The following ZNF652 variants were observed in gnomAD, a reference collection of about 807,000 sequenced individuals.
The protein encoded by ZNF652 is zinc finger protein 652.
ZNF652 carries 16 observed loss-of-function variants against 45.2 expected under a neutral mutation model. The ratio of observed to expected loss-of-function variants is 0.35; its 90% CI spans 0.24 to 0.54. ZNF652 has a LOEUF of 0.54. Ranked by LOEUF, ZNF652 falls within the 20% of genes least tolerant of loss-of-function variation. The probability of loss-of-function intolerance (pLI) is 0.91; values close to 1 mark genes in which losing one functional copy is unlikely to be tolerated. For missense variants in ZNF652, 614 were observed against 765.6 expected (o/e 0.80, Z 2.34); for synonymous variants, 250 against 260.6 (o/e 0.96, Z 0.39).
At position 49,298,558 on chromosome 17, in the gene ZNF652, G is replaced by A. The variant is rs776365624; in HGVS notation, c.1676C>T (p.Pro559Leu). The A allele has an allele frequency of 4.3e-6, 7 of 1,611,406 alleles. No homozygotes were observed. In the Admixed American group the frequency reaches 6.7e-5, roughly 15 times the overall value. Residue 559 changes from proline (P) to leucine (L), a missense_variant, in exon 6 of 6, where the codon CCA becomes CTA. Pro to Leu is a moderately conservative substitution (Grantham distance 98). Transcript: ENST00000430262. The part of the protein sequence containing the change: ...HLHIHPHPHH[P>L]HHLPIPPVPH... ...GACTGGAGGGATGGGAAGGTGGTGTGGGTGGTGAGGGTGTGGGTGGATGTG... is the reference window on the plus strand; with the variant it reads ...GACTGGAGGGATGGGAAGGTGGTGTAGGTGGTGAGGGTGTGGGTGGATGTG...
In ZNF652 at chr17:49,289,946, A is replaced by T. The variant is rs1169497521; in HGVS notation, c.*8467T>A. On this transcript the variant is annotated 3_prime_UTR_variant, in exon 6 of 6. Transcript: ENST00000430262. ...CAACAAGCTTTGTAAACCTAACGCTAAACAAGTCATGGCAAGCAAACTGGA... is the reference window on the plus strand; with the variant it reads ...CAACAAGCTTTGTAAACCTAACGCTTAACAAGTCATGGCAAGCAAACTGGA... 1 of 152,280 alleles carries T rather than the reference A, an allele frequency of 6.6e-6. No homozygotes were observed. The highest frequency in any genetic ancestry group is 1.5e-5 in the Non-Finnish European group (1 of 68,052). The allele number at this position is 152,280 out of a possible 1,614,324, so 9.4% of individuals were successfully genotyped here. A position where few individuals can be genotyped will look rare whatever the true frequency, so the allele number is the denominator to read the frequency against.
Position 49,298,777 on chromosome 17 carries a change from G to A in ZNF652, c.1457C>T (p.Ala486Val). 2 of 1,614,032 alleles carry A rather than the reference G, an allele frequency of 1.2e-6. No individual in the cohort carries two copies. The highest frequency in any genetic ancestry group is 1.7e-6 in the Non-Finnish European group (2 of 1,180,022). ...QRFRFSNMLK[A>V]HKEKCFRVTS... ...CACCCGAAAGCACTTCTCCTTGTGGGCCTTAAGCATGTTCGAGAAGCGGAA... is the reference window on the plus strand; with the variant it reads ...CACCCGAAAGCACTTCTCCTTGTGGACCTTAAGCATGTTCGAGAAGCGGAA... The change falls in exon 6 of 6, where the codon GCC becomes GTC. Residue 486 changes from alanine (A) to valine (V), a missense_variant. Physicochemically the swap from Ala to Val is moderately conservative, Grantham distance 64. Around this residue, in one of 5 missense-constraint regions of ZNF652, gnomAD observed 81 missense variants for 167.0 expected, o/e 0.48. Coordinates refer to ENST00000430262, the MANE Select transcript of ZNF652 (RefSeq NM_001145365.3).
intron 1 of ZNF652, among the ~76,000 whole-genome samples, chr17:49,348,479 A>G (rs1032108409): frequency 8.0e-5 from 9 of 111,910 alleles, no homozygotes; most frequent in African/African-American, 3.6e-4. Flanking sequence ...CCTTGCCTCA[A>G]AAAAGAAAAG....
chr17:49,330,778 C>T (rs1161499050), intron 1 of ZNF652, among the ~76,000 whole-genome samples: 1 of 151,824 alleles, frequency 6.6e-6, no homozygotes, highest in East Asian at 1.9e-4. Flanking sequence ...AGGCCGGGCA[C>T]AGTGGCTGAC....
chr17:49,332,894 G>C (rs565489838), intron 1 of ZNF652, among the ~76,000 whole-genome samples: 1 of 151,910 alleles, frequency 6.6e-6, no homozygotes, highest in Admixed American at 6.6e-5. Flanking sequence ...GGTCAGAAAT[G>C]AATTAACAAA....
chr17:49,314,987 G>A (rs1289129404), intron 2 of ZNF652, among the ~76,000 whole-genome samples: 1 of 151,808 alleles, frequency 6.6e-6, no homozygotes, highest in Middle Eastern at 3.2e-3. Context: ...CTCCCAAAGT[G>A]CTGAGATTAC....
intron 5 of ZNF652, among the ~76,000 whole-genome samples, chr17:49,304,979 T>C (rs1199955705): frequency 1.3e-5 from 2 of 152,074 alleles, no homozygotes; most frequent in Non-Finnish European, 2.9e-5. Context: ...AAACCCATTT[T>C]TCAAACTGCT....
intron 5 of ZNF652, among the ~76,000 whole-genome samples, chr17:49,304,066 T>TA (rs1285959717): frequency 4.3e-5 from 6 of 138,374 alleles, no homozygotes; most frequent in African/African-American, 1.1e-4. Flanking sequence ...TTTTTTTTTT[T>TA]TTTTTTTGTA....
Position 49,303,247 on chromosome 17 carries a change from C to CTTTTTTTTTT in ZNF652, c.1310-4333_1310-4324dup, listed in dbSNP as rs779042339. 9.9e-5 allele frequency among the ~76,000 whole-genome samples: 12 copies of CTTTTTTTTTT among 121,776 alleles called. 1 individual carries two copies. Among genetic ancestry groups the CTTTTTTTTTT allele is most frequent in the Admixed American group, 2.9e-4 (3 of 10,244 alleles). The allele number at this position is 121,776 out of a possible 152,430, so 79.9% of individuals were successfully genotyped here. A position where few individuals can be genotyped will look rare whatever the true frequency, so the allele number is the denominator to read the frequency against. On this transcript the variant is annotated intron_variant, in intron 5 of 5. Coordinates refer to ENST00000430262, the MANE Select transcript of ZNF652 (RefSeq NM_001145365.3). ...GTGATGTTTTATTCTTTACGCTTAT[C>CTTTTTTTTTT]TTTTTTTTTTTGAGACAGGGTCTCA... is the stretch of plus-strand genomic sequence containing the variant.
Position 49,295,289 on chromosome 17 carries a change from C to T in ZNF652, c.*3124G>A, listed in dbSNP as rs1278670130. On this transcript the variant is annotated 3_prime_UTR_variant, in exon 6 of 6. Coordinates refer to ENST00000430262, the MANE Select transcript of ZNF652 (RefSeq NM_001145365.3). ...AGTCATTATATTCTGAGTAGTTTTC[C>T]TGAAGACCACAAGTCTCAAGTCAAG... The T allele has an allele frequency of 6.6e-6, 1 of 151,658 alleles. No individual in the cohort carries two copies. Among genetic ancestry groups the T allele is most frequent in the Non-Finnish European group, 1.5e-5 (1 of 67,950 alleles). The allele number at this position is 151,658 out of a possible 1,614,324, so 9.4% of individuals were successfully genotyped here. A position where few individuals can be genotyped will look rare whatever the true frequency, so the allele number is the denominator to read the frequency against.
intron 1 of ZNF652, among the ~76,000 whole-genome samples, chr17:49,340,112 A>G (rs939323890): frequency 2.0e-5 from 3 of 152,124 alleles, no homozygotes; most frequent in Non-Finnish European, 4.4e-5. Context: ...ACAAAACTCT[A>G]TTACAGAAAT....
Position 49,346,625 on chromosome 17 carries a change from C to T in ZNF652, c.-259+15284G>A, listed in dbSNP as rs552809356. On this transcript the variant is annotated intron_variant, in intron 1 of 5. Transcript: ENST00000430262. ...TGCATATTAAGATTTTAATCTTTAG[C>T]TTCAAACTTATTTTAGACATTCTTC... Among the ~76,000 whole-genome samples the T allele has an allele frequency of 4.2e-4, 64 of 152,258 alleles. 1 individual carries two copies. The South Asian group carries it at 0.013, about 30-fold the overall frequency.
intron 1 of ZNF652, among the ~76,000 whole-genome samples, chr17:49,341,204 C>T (rs9901982): frequency 0.025 from 3,743 of 151,518 alleles, 156 homozygotes; most frequent in African/African-American, 0.086. Flanking sequence ...GGTGACAGAG[C>T]GAGACTGTCT....
chr17:49,330,816 T>C (rs900513169), intron 1 of ZNF652, among the ~76,000 whole-genome samples: 1 of 151,582 alleles, frequency 6.6e-6, no homozygotes, highest in Non-Finnish European at 1.5e-5. Context: ...TTTGGGAGGC[T>C]GAGGCAGGTG....
chr17:49,288,490 A>G (rs2143646528), downstream of ZNF652: 1 of 152,334 alleles, frequency 6.6e-6, no homozygotes, highest in South Asian at 2.1e-4. Flanking sequence ...AAGGCTTATT[A>G]TGACAGAAGC....
chr17:49,303,858 C>T (rs1352268190), intron 5 of ZNF652, among the ~76,000 whole-genome samples: 1 of 150,278 alleles, frequency 6.7e-6, no homozygotes, highest in African/African-American at 2.4e-5. Flanking sequence ...CTTCCTGGAC[C>T]TCTCTAATCA....
intron 1 of ZNF652, among the ~76,000 whole-genome samples, chr17:49,353,982 G>A (rs1221970308): frequency 6.6e-6 from 1 of 152,164 alleles, no homozygotes; most frequent in African/African-American, 2.4e-5. Flanking sequence ...AAGAGGTGAT[G>A]AAAGGATTGA....
rs562846972 is a variant in ZNF652 at position 49,354,610 on chromosome 17, C to CA, written c.-259+7298dup. Among the ~76,000 whole-genome samples, 584 of 111,792 alleles carry CA rather than the reference C, an allele frequency of 5.2e-3. 2 individuals carry two copies. Among genetic ancestry groups the CA allele is most frequent in the East Asian group, 0.013 (54 of 4,018 alleles). The allele number at this position is 111,792 out of a possible 152,430, so 73.3% of individuals were successfully genotyped here. ...TGGGCATGGAAGCAAGACTCCGCCT[C>CA]AAAAAAAAAAAACAAAAAAACAAAA... On this transcript the variant is annotated intron_variant, in intron 1 of 5. Transcript: ENST00000430262.
chr17:49,349,051 T>G (rs902835333), intron 1 of ZNF652, among the ~76,000 whole-genome samples: 6 of 152,228 alleles, frequency 3.9e-5, no homozygotes, highest in African/African-American at 1.4e-4. Flanking sequence ...GGAGAAAAAG[T>G]GATTTTTTAA....
Sources: allele counts gnomAD v4.1 joint callset (sites outside exome capture counted in the v4.1 genomes callset), GRCh38; gene constraint gnomAD v4.1.1; regional missense constraint gnomAD v4.1.1; transcripts MANE v1.5; gene names NCBI Gene and HGNC (gene_info 2026-07-23, HGNC 2026-07-21).